CLNK: variants seen among roughly 807,000 people sequenced by gnomAD.
CLNK encodes cytokine dependent hematopoietic cell linker.
A neutral mutation model predicts 68.6 loss-of-function variants in CLNK; 74 were observed. The observed-to-expected ratio is 1.08, with a 90% CI of 0.89 to 1.31. The LOEUF (loss-of-function observed/expected upper bound fraction) is 1.31, where lower values mean the gene tolerates loss of function less well. Among genes scored for constraint, CLNK ranks in the 50% most tolerant of loss-of-function variants. The pLI is 0.00. For missense variants in CLNK, 553 were observed against 515.3 expected (o/e 1.07, Z -0.71); for synonymous variants, 198 against 172.2 (o/e 1.15, Z -1.17).
At chr4:10,588,354 C>T (rs930687978) in intron 3 of CLNK, among the ~76,000 whole-genome samples, 2 of 152,132 alleles carry the variant, frequency 1.3e-5, no homozygotes, top group African/African-American at 2.4e-5. Context: ...CAAAGACAAA[C>T]TAGTGCTAAA....
At chr4:10,603,049 G>A (rs1301262119) in intron 2 of CLNK, among the ~76,000 whole-genome samples, 1 of 152,018 alleles carries the variant, frequency 6.6e-6, no homozygotes, top group African/African-American at 2.4e-5. Context: ...AGATGCTCCC[G>A]GCTACACCCA....
chr4:10,668,197 T>A (rs1724482817), intron 1 of CLNK, among the ~76,000 whole-genome samples: 1 of 152,206 alleles, frequency 6.6e-6, no homozygotes, highest in Non-Finnish European at 1.5e-5. Context: ...CGTGCAATTG[T>A]GTGCTTCCCC....
At chr4:10,532,453 C>G (rs1189764111) in intron 11 of CLNK, among the ~76,000 whole-genome samples, 170 bp from the exon 12 acceptor site, 1 of 152,076 alleles carries the variant, frequency 6.6e-6, no homozygotes, top group Non-Finnish European at 1.5e-5. Flanking sequence ...GGTTATTTTT[C>G]TCATAATTTT....
chr4:10,577,863 A>C (rs183415989), intron 4 of CLNK, among the ~76,000 whole-genome samples: 11 of 152,172 alleles, frequency 7.2e-5, no homozygotes, highest in Non-Finnish European at 1.2e-4. Context: ...TTATCTCCTT[A>C]TGGAGGTTAG....
In CLNK at chr4:10,536,199, T is replaced by C. The variant is rs572995948; in HGVS notation, c.603-3916A>G. Among the ~76,000 whole-genome samples the C allele has an allele frequency of 1.8e-3, 275 of 152,334 alleles. 1 individual carries two copies. Among genetic ancestry groups the C allele is most frequent in the African/African-American group, 6.3e-3 (261 of 41,574 alleles). Reference sequence around the variant, plus strand: ...ACCATTGATACAGTTGATTGCCAGATGTAAATCATGGCTTCTGCCTTAGGG... The same window carrying C: ...ACCATTGATACAGTTGATTGCCAGACGTAAATCATGGCTTCTGCCTTAGGG... On this transcript the variant is annotated intron_variant, in intron 11 of 18. Coordinates refer to ENST00000226951, the MANE Select transcript of CLNK (RefSeq NM_052964.4).
chr4:10,566,120 C>T lies in CLNK; in HGVS notation c.181G>A (p.Ala61Thr). ...TAGTCATCATCACTGTGGCCTTTTGCTCCATCCAGGACTGCAGCAAAGTTT... is the reference window on the plus strand; with the variant it reads ...TAGTCATCATCACTGTGGCCTTTTGTTCCATCCAGGACTGCAGCAAAGTTT... ...ERNFAAVLDGAKGHSDDDYDD... is the reference protein window; with the variant it reads ...ERNFAAVLDGTKGHSDDDYDD... Residue 61 changes from alanine (A) to threonine (T), a missense_variant, in exon 6 of 19, where the codon GCA (alanine) becomes ACA (threonine). Transcript: ENST00000226951. The T allele has an allele frequency of 6.2e-7, 1 of 1,613,876 alleles. No individual in the cohort carries two copies. The highest frequency in any genetic ancestry group is 1.1e-5 in the South Asian group (1 of 91,072).
chr4:10,583,214 G>A (rs1720846787), intron 4 of CLNK, among the ~76,000 whole-genome samples: 1 of 152,172 alleles, frequency 6.6e-6, no homozygotes, highest in South Asian at 2.1e-4. Context: ...TGGTTCATAA[G>A]TATGCCTAGG....
intron 5 of CLNK, among the ~76,000 whole-genome samples, chr4:10,570,756 C>T (rs143754935): frequency 6.6e-6 from 1 of 152,000 alleles, no homozygotes; most frequent in South Asian, 2.1e-4. Context: ...AATTATATAC[C>T]TATACATTTG....
At chr4:10,655,994 C>T (rs756806139) in intron 2 of CLNK, among the ~76,000 whole-genome samples, 10 of 151,086 alleles carry the variant, frequency 6.6e-5, no homozygotes, top group East Asian at 1.9e-4. Context: ...TTTATCCATG[C>T]GAAAAAGAAA....
intron 2 of CLNK, among the ~76,000 whole-genome samples, chr4:10,612,683 C>T (rs1172427213): frequency 6.6e-6 from 1 of 152,152 alleles, no homozygotes; most frequent in Non-Finnish European, 1.5e-5. Context: ...GTTGATTTCC[C>T]ATGCTGATGA....
chr4:10,625,882 G>A (rs116774940), intron 2 of CLNK, among the ~76,000 whole-genome samples: 177 of 152,344 alleles, frequency 1.2e-3, no homozygotes, highest in African/African-American at 4.1e-3. Flanking sequence ...GTTCTCATAT[G>A]GGGAAGGAAT....
In CLNK at chr4:10,667,848, A is replaced by G; in HGVS notation, c.11+11T>C. 2 of 1,201,826 alleles carry G rather than the reference A, an allele frequency of 1.7e-6. No homozygotes were observed. Among genetic ancestry groups the G allele is most frequent in the Non-Finnish European group, 2.2e-6 (2 of 926,412 alleles). 74.4% of individuals were successfully genotyped at this position (1,201,826 alleles called of 1,614,324 possible). On this transcript the variant is annotated intron_variant, in intron 2 of 18. Coordinates refer to ENST00000226951, the MANE Select transcript of CLNK (RefSeq NM_052964.4). ...GGGAACTGGGGCTCACAGTGATCCC[A>G]CGGTACTTACTGCCTGTTCATAGTT... is the stretch of plus-strand genomic sequence containing the variant.
chr4:10,647,291 A>T (rs1360164360), intron 2 of CLNK, among the ~76,000 whole-genome samples: 1 of 152,194 alleles, frequency 6.6e-6, no homozygotes, highest in East Asian at 1.9e-4. Flanking sequence ...CTGCTATCAC[A>T]GAATCTCAGG....
At chr4:10,591,040 T>C (rs1207910611) in intron 3 of CLNK, among the ~76,000 whole-genome samples, 2 of 152,032 alleles carry the variant, frequency 1.3e-5, no homozygotes, top group Non-Finnish European at 2.9e-5. Context: ...CACTCAAAGG[T>C]GGAGCGTTTG....
At chr4:10,694,150 T>C in the CLNK span, among the ~76,000 whole-genome samples, 1 of 151,838 alleles carries the variant, frequency 6.6e-6, no homozygotes, top group East Asian at 1.9e-4. Flanking sequence ...CGTCAGTCTT[T>C]TCAGCAGCAG....
chr4:10,700,631 C>T, the CLNK span, among the ~76,000 whole-genome samples: 5 of 152,114 alleles, frequency 3.3e-5, no homozygotes, highest in Admixed American at 1.3e-4. Context: ...ATGCAGTGGT[C>T]GTGCTGGAGC....
At chr4:10,500,045 AC>A (rs1716976228) in intron 18 of CLNK, among the ~76,000 whole-genome samples, 2 of 152,186 alleles carry the variant, frequency 1.3e-5, no homozygotes, top group South Asian at 4.1e-4. Context: ...AACAATGCAC[AC>A]CCCCAGATAA....
chr4:10,540,989 C>T (rs752822615), intron 10 of CLNK, among the ~76,000 whole-genome samples: 15 of 151,766 alleles, frequency 9.9e-5, no homozygotes, highest in Non-Finnish European at 2.2e-4. Context: ...CTGAGGTGGG[C>T]GTATCACCTG....
chr4:10,661,066 G>A (rs151111380), intron 2 of CLNK, among the ~76,000 whole-genome samples: 10 of 152,220 alleles, frequency 6.6e-5, no homozygotes, highest in African/African-American at 1.9e-4. Context: ...TGCCAAAATT[G>A]CTTGTTCTCA....
Sources: allele counts gnomAD v4.1 joint callset (sites outside exome capture counted in the v4.1 genomes callset), GRCh38; gene constraint gnomAD v4.1.1; transcripts MANE v1.5; gene names NCBI Gene and HGNC (gene_info 2026-07-23, HGNC 2026-07-21).